Variants in IFT43 observed in about 807,000 individuals in gnomAD.
IFT43 encodes the protein intraflagellar transport 43, also known as intraflagellar transport protein 43 homolog.
A neutral mutation model predicts 32.3 loss-of-function variants in IFT43; 33 were observed. That is an observed-to-expected ratio of 1.02 (90% CI 0.77 to 1.37). IFT43 has a LOEUF of 1.37. Among genes scored for constraint, IFT43 ranks in the 40% most tolerant of loss-of-function variants. The pLI is 0.00. For missense variants in IFT43, 274 were observed against 265.9 expected (o/e 1.03, Z -0.21); for synonymous variants, 93 against 98.2 (o/e 0.95, Z 0.31).
chr14:76,004,780 G>C (rs945503862), intron 2 of IFT43, among the ~76,000 whole-genome samples: 2 of 151,604 alleles, frequency 1.3e-5, no homozygotes, highest in African/African-American at 4.8e-5. Context: ...ATTTTCTATT[G>C]GTCTGTCTTT....
chr14:76,000,430 A>G (rs61979194), intron 2 of IFT43, among the ~76,000 whole-genome samples: 1 of 147,116 alleles, frequency 6.8e-6, no homozygotes, highest in Non-Finnish European at 1.5e-5. Flanking sequence ...ACGCCAGGCT[A>G]ATTTTTTTTT....
intron 3 of IFT43, among the ~76,000 whole-genome samples, chr14:76,049,568 G>T (rs913147031): frequency 6.6e-6 from 1 of 151,756 alleles, no homozygotes; most frequent in Non-Finnish European, 1.5e-5. Context: ...TCAATTTAAA[G>T]AAAATGCTAA....
intron 2 of IFT43, among the ~76,000 whole-genome samples, chr14:75,990,713 T>C (rs1022330238): frequency 6.6e-6 from 1 of 152,082 alleles, no homozygotes; most frequent in Admixed American, 6.6e-5. Flanking sequence ...AAAGAAGATA[T>C]ACCAGACCCA....
chr14:76,043,280 G>A (rs1159183571), intron 3 of IFT43, among the ~76,000 whole-genome samples: 1 of 152,228 alleles, frequency 6.6e-6, no homozygotes, highest in African/African-American at 2.4e-5. Context: ...GGTGAGTAGA[G>A]GCATGAATGA....
intron 3 of IFT43, among the ~76,000 whole-genome samples, chr14:76,046,929 A>T (rs955648089): frequency 1.3e-5 from 2 of 152,170 alleles, no homozygotes; most frequent in African/African-American, 4.8e-5. Context: ...GGAGTCTGGG[A>T]AGTCTGAGAT....
At chr14:76,075,941 G>C (rs17183928) in intron 5 of IFT43, among the ~76,000 whole-genome samples, 53,005 of 152,094 alleles carry the variant, frequency 0.35, 9,344 homozygotes, top group African/African-American at 0.4. Flanking sequence ...TTGTTTTCTT[G>C]CACTTGAGAG....
chr14:76,060,881 T>TCCC (rs2037121317), intron 5 of IFT43, among the ~76,000 whole-genome samples: 1 of 141,882 alleles, frequency 7.0e-6, no homozygotes, highest in African/African-American at 2.6e-5. Flanking sequence ...CTTTTCCTGC[T>TCCC]CTCCCCTCCC....
intron 2 of IFT43, among the ~76,000 whole-genome samples, chr14:76,012,322 T>C (rs1331205184): frequency 2.0e-5 from 3 of 152,152 alleles, no homozygotes; most frequent in Non-Finnish European, 4.4e-5. Context: ...GGGGGAACCA[T>C]ATAAAGATCA....
At chr14:76,024,700 T>C (rs954405659) in intron 3 of IFT43, among the ~76,000 whole-genome samples, 12 of 152,230 alleles carry the variant, frequency 7.9e-5, no homozygotes, top group Admixed American at 7.2e-4. Flanking sequence ...TAACACGTGT[T>C]CTGTAAATGG....
chr14:76,011,681 T>C (rs558503251), intron 2 of IFT43, among the ~76,000 whole-genome samples: 1 of 151,352 alleles, frequency 6.6e-6, no homozygotes, highest in South Asian at 2.1e-4. Context: ...CGTTTTGATA[T>C]GTCCATTTCA....
At position 76,044,825 on chromosome 14, in the gene IFT43, C is replaced by T. The variant is rs114812647; in HGVS notation, c.216-13817C>T. 2.9e-3 allele frequency among the ~76,000 whole-genome samples: 437 copies of T among 152,284 alleles called. 3 individuals carry two copies. Among genetic ancestry groups the T allele is most frequent in the African/African-American group, 0.01 (418 of 41,542 alleles). Reference sequence around the variant, plus strand: ...GAGGATTTTCTTCTGCCTCCACCACCCCTGAGACAGCAAGGCCAACCGCTC... The same window carrying T: ...GAGGATTTTCTTCTGCCTCCACCACTCCTGAGACAGCAAGGCCAACCGCTC... On this transcript the variant is annotated intron_variant, in intron 3 of 8. Transcript: ENST00000314067.
At chr14:76,082,898 C>T (rs912135470) in intron 7 of IFT43, among the ~76,000 whole-genome samples, 1 of 152,170 alleles carries the variant, frequency 6.6e-6, no homozygotes, top group Non-Finnish European at 1.5e-5. Context: ...TTTCTCAGTG[C>T]CAGGCTCCCA....
chr14:76,000,979 G>A (rs1411716733), intron 2 of IFT43, among the ~76,000 whole-genome samples: 1 of 152,182 alleles, frequency 6.6e-6, no homozygotes, highest in Non-Finnish European at 1.5e-5. Flanking sequence ...AGAGAAAGTT[G>A]GAAACTAGTG....
chr14:76,001,590 T>C (rs1345362616), intron 2 of IFT43, among the ~76,000 whole-genome samples: 1 of 152,246 alleles, frequency 6.6e-6, no homozygotes, highest in Non-Finnish European at 1.5e-5. Context: ...CCAACACCCC[T>C]GAGCAGGCTG....
chr14:76,012,542 C>A (rs1011574540), intron 2 of IFT43, among the ~76,000 whole-genome samples: 1 of 152,228 alleles, frequency 6.6e-6, no homozygotes, highest in Non-Finnish European at 1.5e-5. Context: ...ATTCCTGCCC[C>A]CTGTTTATTT....
intron 2 of IFT43, among the ~76,000 whole-genome samples, chr14:76,002,973 G>T (rs1272966876): frequency 6.6e-6 from 1 of 152,218 alleles, no homozygotes; most frequent in Non-Finnish European, 1.5e-5. Flanking sequence ...CCGTAAGGTT[G>T]TGATCAGAAA....
intron 5 of IFT43, among the ~76,000 whole-genome samples, chr14:76,071,805 C>T (rs1388434674): frequency 6.6e-6 from 1 of 152,078 alleles, no homozygotes; most frequent in African/African-American, 2.4e-5. Flanking sequence ...GGCAGAATTC[C>T]TAAGAATTTA....
chr14:76,083,835 C>T (rs1458990324), downstream of IFT43: 5 of 620,884 alleles, frequency 8.1e-6, no homozygotes, highest in South Asian at 1.5e-5. Context: ...TCAGAACTCG[C>T]GGCCTTGTTG....
At chr14:75,987,218 A>G (rs1488884649) in intron 1 of IFT43, among the ~76,000 whole-genome samples, 1 of 152,348 alleles carries the variant, frequency 6.6e-6, no homozygotes, top group South Asian at 2.1e-4. Context: ...TGCTGTATTC[A>G]GATACTCAGT....
Sources: allele counts gnomAD v4.1 joint callset (sites outside exome capture counted in the v4.1 genomes callset), GRCh38; gene constraint gnomAD v4.1.1; transcripts MANE v1.5; gene names NCBI Gene and HGNC (gene_info 2026-07-23, HGNC 2026-07-21).